The following RAB26 variants were observed in gnomAD, a reference collection of about 807,000 sequenced individuals.
RAB26 encodes the protein ras-related protein Rab-26.
Under a neutral mutation model 33.1 loss-of-function variants are expected in RAB26, and 39 were observed. The ratio of observed to expected loss-of-function variants is 1.18; its 90% CI spans 0.91 to 1.54. RAB26 has a LOEUF of 1.54. RAB26 is among the 40% of genes most tolerant of loss of function. The pLI, the probability that RAB26 is intolerant of heterozygous loss-of-function variation, is 0.00. For synonymous variants in RAB26, 192 were observed against 151.9 expected (o/e 1.26, Z -1.94); for missense variants, 468 against 362.9 (o/e 1.29, Z -2.35).
At chr16:2,152,907 A>C in intron 6 of RAB26, 22 bp downstream of exon 6, 4 of 1,599,090 alleles carry the variant, frequency 2.5e-6, no homozygotes, top group Non-Finnish European at 3.4e-6. Context: ...GGCTGTCCTC[A>C]CCTGGGCCAC....
At position 2,153,359 on chromosome 16, in the gene RAB26, C is replaced by A; in HGVS notation, c.709C>A (p.Arg237Ser). 1 of 1,613,556 alleles carries A rather than the reference C, an allele frequency of 6.2e-7. No individual in the cohort carries two copies. Among genetic ancestry groups the A allele is most frequent in the Non-Finnish European group, 8.5e-7 (1 of 1,180,030 alleles). Reference protein sequence around the residue: ...QRSMKAPSEPRFRLHDYVKRE... With the variant: ...QRSMKAPSEPSFRLHDYVKRE... ...CTCCATGAAGGCTCCCAGCGAGCCG[C>A]GCTTCCGGCTGCATGATTACGTTAA... Residue 237 changes from arginine (R) to serine (S), a missense_variant, in exon 9 of 9, where the codon CGC (arginine) becomes AGC (serine). By Grantham distance (110) the Arg-to-Ser change is moderately radical. Transcript: ENST00000210187.
At position 2,151,897 on chromosome 16, in the gene RAB26, G is replaced by GCC; in HGVS notation, c.457_458insCC (p.Asp153AlafsTer8). ...CGATGTCACCAACAAGGCCTCCTTT[G>GCC]ACAACATCCAGGTCAGTGGCTTTCC... On this transcript the variant is annotated frameshift_variant, in exon 5 of 9. Coordinates refer to ENST00000210187, the MANE Select transcript of RAB26 (RefSeq NM_014353.5). LOFTEE classifies it high-confidence loss of function. 1 of 1,614,152 alleles carries GCC rather than the reference G, an allele frequency of 6.2e-7. No homozygotes were observed. Among genetic ancestry groups the GCC allele is most frequent in the Non-Finnish European group, 8.5e-7 (1 of 1,180,044 alleles).
At position 2,153,898 on chromosome 16, in the gene RAB26, C is replaced by A. The variant is rs974603347; in HGVS notation, c.*477C>A. On this transcript the variant is annotated 3_prime_UTR_variant, in exon 9 of 9. Coordinates refer to ENST00000210187, the MANE Select transcript of RAB26 (RefSeq NM_014353.5). ...CTGGGAGCTGCCTGCTCCCGGCCCA[C>A]CCTCTAGGAGGCTCTGGCTCAAACA... 8.8e-6 allele frequency: 4 copies of A among 455,730 alleles called. No homozygotes were observed. Among genetic ancestry groups the A allele is most frequent in the Admixed American group, 7.0e-5 (3 of 42,568 alleles). 28.2% of individuals were successfully genotyped at this position (455,730 alleles called of 1,614,324 possible).
rs772255015 is a variant in RAB26, at chr16:2,153,672, G to A, written c.*251G>A. 2.4e-4 allele frequency: 158 copies of A among 647,154 alleles called. No homozygotes were observed. Among genetic ancestry groups the A allele is most frequent in the Admixed American group, 5.4e-4 (26 of 47,900 alleles). The allele number at this position is 647,154 out of a possible 1,614,324, so 40.1% of individuals were successfully genotyped here. A position where few individuals can be genotyped will look rare whatever the true frequency, so the allele number is the denominator to read the frequency against. On this transcript the variant is annotated 3_prime_UTR_variant, in exon 9 of 9. Coordinates refer to ENST00000210187, the MANE Select transcript of RAB26 (RefSeq NM_014353.5). ...CTGCACGGGACGGGGAGCGGCAAGT[G>A]GACAGACTTTGCCACGGTGCTCTGC...
rs967054289 is a variant in RAB26 at position 2,153,781 on chromosome 16, C to A, written c.*360C>A. 18 of 484,716 alleles carry A rather than the reference C, an allele frequency of 3.7e-5. No homozygotes were observed. The highest frequency in any genetic ancestry group is 3.5e-4 in the African/African-American group (18 of 51,336). The allele number at this position is 484,716 out of a possible 1,614,324, so 30.0% of individuals were successfully genotyped here. On this transcript the variant is annotated 3_prime_UTR_variant, in exon 9 of 9. Transcript: ENST00000210187. ...CCTAACCCTAGAAAAGCCATGTCTT[C>A]AGCCGCACATGCTCAGGCAGCTAAG...
intron 2 of RAB26, chr16:2,151,304 G>T: frequency 1.7e-6 from 1 of 599,734 alleles, no homozygotes; most frequent in Non-Finnish European, 3.0e-6. Context: ...TGAGGAAACC[G>T]AGGCAGTGTC....
At chr16:2,151,256 G>A (rs1455234663) in intron 2 of RAB26, 2 of 560,320 alleles carry the variant, frequency 3.6e-6, no homozygotes, top group Non-Finnish European at 6.6e-6. Context: ...GGAAGGCTGA[G>A]GCGTTGCAGC....
chr16:2,153,104 T>TCC, intron 7 of RAB26, 42 bp from the exon 8 acceptor site: 11 of 1,613,310 alleles, frequency 6.8e-6, no homozygotes, highest in Non-Finnish European at 9.3e-6. Flanking sequence ...GCCTAGGCTG[T>TCC]CCCCGCCAGG....
intron 5 of RAB26, 139 bp downstream of exon 5, chr16:2,152,047 G>A (rs2093006880): frequency 7.9e-7 from 1 of 1,262,396 alleles, no homozygotes; most frequent in Non-Finnish European, 1.1e-6. Flanking sequence ...CTGGGCTGGA[G>A]GTGGCCCAAG....
chr16:2,152,633 C>T (rs2093008995), intron 5 of RAB26, among the ~76,000 whole-genome samples, 187 bp from the exon 6 acceptor site: 1 of 138,068 alleles, frequency 7.2e-6, no homozygotes, highest in East Asian at 2.1e-4. Context: ...ATGGAGACTG[C>T]AGTGAGTCGA....
At chr16:2,150,100 C>G (rs1308975693) in intron 2 of RAB26, 49 bp downstream of exon 2, 2 of 1,475,130 alleles carry the variant, frequency 1.4e-6, no homozygotes, top group Non-Finnish European at 1.8e-6. Context: ...CGCCGGTACC[C>G]GAGCAGCAAG....
intron 2 of RAB26, among the ~76,000 whole-genome samples, chr16:2,150,685 G>A (rs1468433289): frequency 2.0e-5 from 3 of 151,308 alleles, no homozygotes; most frequent in African/African-American, 7.3e-5. Flanking sequence ...TGCCCGAGGG[G>A]GGCAGGCCAG....
chr16:2,153,103 G>A, intron 7 of RAB26, 43 bp from the exon 8 acceptor site: 3 of 1,613,372 alleles, frequency 1.9e-6, no homozygotes, highest in Middle Eastern at 1.6e-4. Context: ...AGCCTAGGCT[G>A]TCCCCGCCAG....
In RAB26 at chr16:2,153,631, A is replaced by C. The variant is rs1170539640; in HGVS notation, c.*210A>C. The C allele has an allele frequency of 6.0e-6, 4 of 663,466 alleles. No homozygotes were observed. In the Admixed American group the frequency reaches 8.8e-5, roughly 15 times the overall value. 41.1% of individuals were successfully genotyped at this position (663,466 alleles called of 1,614,324 possible). A position where few individuals can be genotyped will look rare whatever the true frequency, so the allele number is the denominator to read the frequency against. ...AGCCCGTGGCCGCACACTGGCCGCC[A>C]CGGAAAAGCAGTCTTCTGCACGGGA... On this transcript the variant is annotated 3_prime_UTR_variant, in exon 9 of 9. Coordinates refer to ENST00000210187, the MANE Select transcript of RAB26 (RefSeq NM_014353.5).
Position 2,148,700 on chromosome 16 carries a change from C to A in RAB26, c.-84C>A, listed in dbSNP as rs1383126963. 3 of 1,160,166 alleles carry A rather than the reference C, an allele frequency of 2.6e-6. No individual in the cohort carries two copies. Among genetic ancestry groups the A allele is most frequent in the Non-Finnish European group, 3.2e-6 (3 of 931,992 alleles). The allele number at this position is 1,160,166 out of a possible 1,614,324, so 71.9% of individuals were successfully genotyped here. ...CCGCCGCCAGGGGAAGGGTTCGGGTCCGGGTCGGGCTCGGCGGGCGCGGGG... is the reference window on the plus strand; with the variant it reads ...CCGCCGCCAGGGGAAGGGTTCGGGTACGGGTCGGGCTCGGCGGGCGCGGGG... On this transcript the variant is annotated 5_prime_UTR_variant, in exon 1 of 9. Transcript: ENST00000210187.
chr16:2,151,884 C>T lies in RAB26; in HGVS notation c.444C>T (p.Asn148=). 1 of 1,614,180 alleles carries T rather than the reference C, an allele frequency of 6.2e-7. No homozygotes were observed. The highest frequency in any genetic ancestry group is 8.5e-7 in the Non-Finnish European group (1 of 1,180,044). ...HALLLLYDVT[N]KASFDNIQAW... ...TGCTGCTGCTCTACGATGTCACCAA[C>T]AAGGCCTCCTTTGACAACATCCAGG... The change falls in exon 5 of 9, where the codon AAC becomes AAT. Residue 148 remains asparagine (N), a synonymous_variant. Transcript: ENST00000210187.
chr16:2,151,341 T>C, intron 2 of RAB26: 2 of 626,702 alleles, frequency 3.2e-6, no homozygotes, highest in South Asian at 3.6e-5. Context: ...GGGTCATGAG[T>C]TCAAATAAGT....
In RAB26 at chr16:2,153,934, C is replaced by A. The variant is rs751542085; in HGVS notation, c.*513C>A. ...GCTCTGGCTCAAACAGCAATAGGGT[C>A]TTCCTCACTGACCTTGGAGGATGCC... is the stretch of plus-strand genomic sequence containing the variant. On this transcript the variant is annotated 3_prime_UTR_variant, in exon 9 of 9. Transcript: ENST00000210187. The A allele has an allele frequency of 4.7e-6, 2 of 427,254 alleles. No homozygotes were observed. Among genetic ancestry groups the A allele is most frequent in the South Asian group, 3.2e-5 (2 of 61,596 alleles). 26.5% of individuals were successfully genotyped at this position (427,254 alleles called of 1,614,324 possible).
intron 2 of RAB26, 78 bp downstream of exon 2, chr16:2,150,129 G>GT (rs2093000059): frequency 7.6e-7 from 1 of 1,318,996 alleles, no homozygotes; most frequent in African/African-American, 1.5e-5. Flanking sequence ...GATCCCCATG[G>GT]TACCAACAGG....
Sources: allele counts gnomAD v4.1 joint callset (sites outside exome capture counted in the v4.1 genomes callset), GRCh38; gene constraint gnomAD v4.1.1; transcripts MANE v1.5; gene names NCBI Gene and HGNC (gene_info 2026-07-23, HGNC 2026-07-21).